Variants in EYA2 observed in about 807,000 individuals in gnomAD.
The protein encoded by EYA2 is protein phosphatase EYA2.
Under a neutral mutation model 69.2 loss-of-function variants are expected in EYA2, and 31 were observed. The ratio of observed to expected loss-of-function variants is 0.45; its 90% CI spans 0.34 to 0.60. The LOEUF (loss-of-function observed/expected upper bound fraction) is 0.60, where lower values mean the gene tolerates loss of function less well. Among genes scored for constraint, EYA2 ranks in the 20% least tolerant of loss-of-function variants. EYA2 has a pLI of 0.02. For synonymous variants in EYA2, 257 were observed against 279.4 expected, an observed-to-expected ratio of 0.92 and a Z score of 0.80; for missense variants, 622 against 701.2, an observed-to-expected ratio of 0.89 and a Z score of 1.28.
intron 1 of EYA2, among the ~76,000 whole-genome samples, chr20:46,982,483 C>T (rs1490817656): frequency 6.6e-6 from 1 of 152,184 alleles, no homozygotes; most frequent in African/African-American, 2.4e-5. Context: ...GACTTGATAT[C>T]TGTCATCCAT....
intron 15 of EYA2, among the ~76,000 whole-genome samples, chr20:47,187,360 AG>A (rs1481060740): frequency 1.3e-4 from 20 of 151,210 alleles, no homozygotes; most frequent in African/African-American, 4.7e-4. Context: ...AAAGAAAGAA[AG>A]AAAGAAAAAA....
chr20:46,982,217 T>C (rs1204083319), intron 1 of EYA2, among the ~76,000 whole-genome samples: 1 of 152,232 alleles, frequency 6.6e-6, no homozygotes, highest in Non-Finnish European at 1.5e-5. Flanking sequence ...TTTGATTTTG[T>C]CTTCATTTTG....
Position 47,172,738 on chromosome 20 carries a change from A to G in EYA2, c.1069A>G (p.Ser357Gly), listed in dbSNP as rs775568459. ...CAACTTCTCCGCTGACGGCTTCCAC[A>G]GTTCGGCCCCAGGAGCCAACCTGTG... ...TYNFSADGFH[S>G]SAPGANLCLG... Residue 357 changes from serine to glycine, a missense_variant, in exon 12 of 16, where the codon AGT (serine) becomes GGT (glycine). This residue lies in a region of EYA2 where 257 missense variants were observed against 351.5 expected (regional missense o/e 0.73). Coordinates refer to ENST00000327619, the MANE Select transcript of EYA2 (RefSeq NM_005244.5). The G allele has an allele frequency of 6.2e-7, 1 of 1,613,746 alleles. No homozygotes were observed. Among genetic ancestry groups the G allele is most frequent in the Non-Finnish European group, 8.5e-7 (1 of 1,179,858 alleles).
chr20:47,166,707 C>T (rs1208163353), intron 10 of EYA2, among the ~76,000 whole-genome samples: 2 of 151,996 alleles, frequency 1.3e-5, no homozygotes, highest in Non-Finnish European at 2.9e-5. Context: ...CCACTGTGCA[C>T]CCGACACTGT....
chr20:47,128,829 A>C (rs2033263482), intron 9 of EYA2, among the ~76,000 whole-genome samples: 1 of 152,230 alleles, frequency 6.6e-6, no homozygotes, highest in African/African-American at 2.4e-5. Context: ...TATTCATTTA[A>C]AATAAAAAAA....
chr20:46,987,919 T>G (rs112888221), intron 1 of EYA2, among the ~76,000 whole-genome samples: 1 of 18,752 alleles, frequency 5.3e-5, no homozygotes, highest in Non-Finnish European at 9.1e-5. Context: ...AGAGTAAGTC[T>G]CTCTCTCTCT....
intron 4 of EYA2, among the ~76,000 whole-genome samples, chr20:47,014,979 G>A (rs912918582): frequency 1.1e-4 from 16 of 152,172 alleles, no homozygotes; most frequent in African/African-American, 3.9e-4. Flanking sequence ...ATATTGTGAA[G>A]CAGTAAAAGA....
chr20:47,068,006 T>C (rs1297904347), intron 5 of EYA2, among the ~76,000 whole-genome samples: 12 of 152,222 alleles, frequency 7.9e-5, no homozygotes, highest in Admixed American at 7.9e-4. Context: ...CTATTCTTTT[T>C]CCCTTATTCT....
At chr20:47,050,867 A>T (rs1170573129) in intron 5 of EYA2, among the ~76,000 whole-genome samples, 1 of 152,266 alleles carries the variant, frequency 6.6e-6, no homozygotes, top group Non-Finnish European at 1.5e-5. Flanking sequence ...TCCAGCAGGC[A>T]TACCTGAGAA....
At chr20:46,950,751 G>A (rs969937703) in intron 1 of EYA2, among the ~76,000 whole-genome samples, 2 of 152,208 alleles carry the variant, frequency 1.3e-5, no homozygotes, top group Non-Finnish European at 2.9e-5. Flanking sequence ...AGCTTTATGT[G>A]TGTTGAGAGG....
chr20:46,955,579 C>A (rs1979071829), intron 1 of EYA2, among the ~76,000 whole-genome samples: 1 of 152,088 alleles, frequency 6.6e-6, no homozygotes, highest in South Asian at 2.1e-4. Flanking sequence ...TCTGACATAA[C>A]CCCTGTTAAT....
chr20:47,186,668 G>A (rs995782370), intron 15 of EYA2, among the ~76,000 whole-genome samples: 3 of 151,958 alleles, frequency 2.0e-5, no homozygotes, highest in South Asian at 4.2e-4. Context: ...CTCCTCATTC[G>A]TTCTTCAAGG....
intron 6 of EYA2, among the ~76,000 whole-genome samples, chr20:47,072,785 C>T (rs1487190059): frequency 6.6e-6 from 1 of 152,180 alleles, no homozygotes; most frequent in African/African-American, 2.4e-5. Flanking sequence ...TGTGCAGTAA[C>T]TCTGCTGTGT....
intron 5 of EYA2, among the ~76,000 whole-genome samples, chr20:47,070,333 T>A (rs571389555): frequency 1.1e-3 from 175 of 152,368 alleles, no homozygotes; most frequent in African/African-American, 4.1e-3. Flanking sequence ...GAAATGCTAC[T>A]TAAAACCACA....
intron 5 of EYA2, among the ~76,000 whole-genome samples, chr20:47,071,013 A>AT (rs150490566): frequency 0.018 from 2,644 of 145,240 alleles, 59 homozygotes; most frequent in African/African-American, 0.061. Flanking sequence ...CACACCTGGA[A>AT]TTTTTTTTTT....
intron 1 of EYA2, among the ~76,000 whole-genome samples, chr20:46,940,009 T>C (rs940994672): frequency 9.2e-5 from 14 of 152,218 alleles, no homozygotes; most frequent in Non-Finnish European, 2.1e-4. Flanking sequence ...TAGCCATTCA[T>C]AGCAGTTCTA....
At chr20:46,941,638 C>G (rs959355593) in intron 1 of EYA2, among the ~76,000 whole-genome samples, 2 of 152,184 alleles carry the variant, frequency 1.3e-5, no homozygotes, top group Non-Finnish European at 2.9e-5. Flanking sequence ...TCAGTTTCCT[C>G]ACATGTATCA....
intron 1 of EYA2, among the ~76,000 whole-genome samples, chr20:46,971,794 G>A (rs1328857199): frequency 6.6e-6 from 1 of 152,184 alleles, no homozygotes; most frequent in Non-Finnish European, 1.5e-5. Flanking sequence ...GTTCTGATAA[G>A]TGGTGCATGC....
At chr20:47,058,865 G>A (rs1011732992) in intron 5 of EYA2, among the ~76,000 whole-genome samples, 19 of 152,148 alleles carry the variant, frequency 1.2e-4, no homozygotes, top group African/African-American at 4.3e-4. Flanking sequence ...AATGGTGGAG[G>A]AGGAGACATG....
Sources: allele counts gnomAD v4.1 joint callset (sites outside exome capture counted in the v4.1 genomes callset), GRCh38; gene constraint gnomAD v4.1.1; regional missense constraint gnomAD v4.1.1; transcripts MANE v1.5; gene names NCBI Gene and HGNC (gene_info 2026-07-23, HGNC 2026-07-21).